Variants in ZNF225 observed in about 807,000 individuals in gnomAD.
The protein encoded by ZNF225 is zinc finger protein 225.
In ZNF225, 6 loss-of-function variants were observed where a neutral mutation model predicts 12.0. The observed-to-expected ratio is 0.50, with a 90% confidence interval of 0.27 to 0.98. The LOEUF (loss-of-function observed/expected upper bound fraction) is 0.98. Ranked by LOEUF, ZNF225 falls within the 50% of genes least tolerant of loss-of-function variation. The probability of loss-of-function intolerance (pLI) is 0.11; values close to 1 mark genes in which losing one functional copy is unlikely to be tolerated. For missense variants in ZNF225, 763 were observed against 848.2 expected (o/e 0.90, Z 1.25); for synonymous variants, 271 against 283.2 (o/e 0.96, Z 0.43).
upstream of ZNF225, among the ~76,000 whole-genome samples, chr19:44,112,504 ATT>A (rs1043268117): frequency 1.3e-5 from 2 of 152,010 alleles, no homozygotes; most frequent in Non-Finnish European, 2.9e-5. Flanking sequence ...CCTTAAAATA[ATT>A]TTGTTTTGTG....
intron 4 of ZNF225, among the ~76,000 whole-genome samples, chr19:44,126,726 G>C: frequency 6.6e-6 from 1 of 152,138 alleles, no homozygotes; most frequent in East Asian, 1.9e-4. Flanking sequence ...GGCTGCTGTA[G>C]GGGATGTGGG....
At chr19:44,119,450 C>T (rs1031202367) in intron 4 of ZNF225, among the ~76,000 whole-genome samples, 1 of 152,160 alleles carries the variant, frequency 6.6e-6, no homozygotes, top group South Asian at 2.1e-4. Flanking sequence ...TGAGGAGAAG[C>T]CTTTATTTTG....
At position 44,132,403 on chromosome 19, in the gene ZNF225, AAAT is replaced by A; in HGVS notation, c.1790_1792del (p.Lys597_Cys598delinsSer). The A allele has an allele frequency of 6.2e-7, 1 of 1,614,244 alleles. No individual in the cohort carries two copies. The highest frequency in any genetic ancestry group is 8.5e-7 in the Non-Finnish European group (1 of 1,180,032). The stretch of plus-strand genomic sequence containing the variant: ...ACTCCATGGTGATGAAAAGCCATTC[AAAT>A]GTGAAGAGTGTGGGAAGAGATTTAC... On this transcript the variant is annotated inframe_deletion, in exon 5 of 5. Coordinates refer to ENST00000262894, the MANE Select transcript of ZNF225 (RefSeq NM_013362.4).
rs1268534375 is a variant in ZNF225, at chr19:44,115,841, A to C, written c.14A>C (p.Lys5Thr). The change falls in exon 2 of 5, where the codon AAG becomes ACG. Residue 5 changes from lysine (K) to threonine (T), a missense_variant and splice_region_variant. Lys to Thr is a moderately conservative substitution (Grantham distance 78). Coordinates refer to ENST00000262894, the MANE Select transcript of ZNF225 (RefSeq NM_013362.4). ...ATAGGAGGAAAAATGACCACGTTGA[A>C]GGTGAGTAGAGCTTGCCTCTCTTGC... is the stretch of plus-strand genomic sequence containing the variant. MTTL[K>T]EAVTFKDVAV... The C allele has an allele frequency of 1.2e-6, 2 of 1,612,878 alleles. No individual in the cohort carries two copies. Among genetic ancestry groups the C allele is most frequent in the East Asian group, 2.2e-5 (1 of 44,824 alleles).
intron 1 of ZNF225, chr19:44,114,115 C>T: frequency 1.6e-6 from 1 of 612,958 alleles, no homozygotes; most frequent in Non-Finnish European, 2.7e-6. Context: ...GGCACGGCGA[C>T]CACGGTCAGA....
At position 44,132,217 on chromosome 19, in the gene ZNF225, A is replaced by G. The variant is rs1490367548; in HGVS notation, c.1603A>G (p.Thr535Ala). The stretch of plus-strand genomic sequence containing the variant: ...ACTTTATTCTCATCGCAGAGTCCAC[A>G]CTGGAGTAAAGCCATACAAATGTGA... ...SQLYSHRRVH[T>A]GVKPYKCEEC... Residue 535 changes from threonine (T) to alanine (A), a missense_variant, in exon 5 of 5, where the codon ACT (threonine) becomes GCT (alanine). Coordinates refer to ENST00000262894, the MANE Select transcript of ZNF225 (RefSeq NM_013362.4). The G allele has an allele frequency of 1.2e-6, 2 of 1,614,082 alleles. No homozygotes were observed. Among genetic ancestry groups the G allele is most frequent in the South Asian group, 2.2e-5 (2 of 91,078 alleles).
chr19:44,121,063 A>AT (rs1015797576), intron 4 of ZNF225, among the ~76,000 whole-genome samples: 9 of 151,752 alleles, frequency 5.9e-5, no homozygotes, highest in African/African-American at 1.9e-4. Flanking sequence ...TGCCCTGCTA[A>AT]TTTTTTTTAT....
At chr19:44,113,922 T>A in intron 1 of ZNF225, 2 of 239,610 alleles carry the variant, frequency 8.3e-6, no homozygotes, top group Non-Finnish European at 8.0e-6. Context: ...TGGTCTCTTG[T>A]TAATTTCCCA....
intron 4 of ZNF225, among the ~76,000 whole-genome samples, chr19:44,126,440 G>A (rs1968148121): frequency 6.6e-6 from 1 of 152,184 alleles, no homozygotes; most frequent in South Asian, 2.1e-4. Flanking sequence ...TCCAGTGGAG[G>A]TGGTGGGGGT....
At chr19:44,124,332 C>T (rs1179450825) in intron 4 of ZNF225, among the ~76,000 whole-genome samples, 1 of 152,006 alleles carries the variant, frequency 6.6e-6, no homozygotes, top group African/African-American at 2.4e-5. Flanking sequence ...TTGAAGGTTC[C>T]TCTTGGAGTT....
chr19:44,123,016 TAG>T (rs1014796500), intron 4 of ZNF225, among the ~76,000 whole-genome samples: 1 of 152,188 alleles, frequency 6.6e-6, no homozygotes, highest in Admixed American at 6.5e-5. Context: ...TTGCTCTGGC[TAG>T]GACTTCCAGT....
At chr19:44,121,555 T>C (rs1968057546) in intron 4 of ZNF225, among the ~76,000 whole-genome samples, 1 of 152,242 alleles carries the variant, frequency 6.6e-6, no homozygotes, top group Admixed American at 6.5e-5. Context: ...CTTTTAGTTC[T>C]TTAAGGAATT....
intron 1 of ZNF225, among the ~76,000 whole-genome samples, chr19:44,115,015 A>C (rs908504717): frequency 1.3e-5 from 2 of 152,182 alleles, no homozygotes; most frequent in African/African-American, 4.8e-5. Flanking sequence ...AGTTAAATAA[A>C]ATTTTGTAAG....
At position 44,132,879 on chromosome 19, in the gene ZNF225, A is replaced by G. The variant is rs547762064; in HGVS notation, c.*144A>G. 2.7e-6 allele frequency: 2 copies of G among 748,580 alleles called. No individual in the cohort carries two copies. Among genetic ancestry groups the G allele is most frequent in the Non-Finnish European group, 4.1e-6 (2 of 487,160 alleles). 46.4% of individuals were successfully genotyped at this position (748,580 alleles called of 1,614,324 possible). A position where few individuals can be genotyped will look rare whatever the true frequency, so the allele number is the denominator to read the frequency against. On this transcript the variant is annotated 3_prime_UTR_variant, in exon 5 of 5. Transcript: ENST00000262894. Reference sequence around the variant, plus strand: ...GGGAACCCTTAAAATTCACTGTCCTAGCTATTTGAAAATAATACGTTGTTA... The same window carrying G: ...GGGAACCCTTAAAATTCACTGTCCTGGCTATTTGAAAATAATACGTTGTTA...
At chr19:44,129,347 A>C in intron 4 of ZNF225, 1 of 303,126 alleles carries the variant, frequency 3.3e-6, no homozygotes, top group Non-Finnish European at 6.0e-6. Context: ...TCTTAAAATT[A>C]TGGGTTTTTA....
At chr19:44,114,737 C>T (rs889481499) in intron 1 of ZNF225, among the ~76,000 whole-genome samples, 1 of 152,228 alleles carries the variant, frequency 6.6e-6, no homozygotes, top group Non-Finnish European at 1.5e-5. Context: ...TCTCAGACTC[C>T]TGACCTCAGG....
At chr19:44,130,783 A>G in intron 4 of ZNF225, 67 bp from the exon 5 acceptor site, 1 of 1,429,204 alleles carries the variant, frequency 7.0e-7, no homozygotes, top group Non-Finnish European at 9.5e-7. Context: ...TGTCCTAAGT[A>G]TGAAATCTTG....
Position 44,118,137 on chromosome 19 carries a change from C to G in ZNF225, c.16-51C>G, listed in dbSNP as rs185929255. 8.7e-5 allele frequency: 138 copies of G among 1,578,564 alleles called. No individual in the cohort carries two copies. In the African/African-American group the frequency reaches 1.7e-3, roughly 20 times the overall value. ...TCTGTCTGCTCAGTGCCACCCCTCT[C>G]TCAGTAGTCATTGGTCATGAGACTG... On this transcript the variant is annotated intron_variant, in intron 2 of 4. Transcript: ENST00000262894.
intron 4 of ZNF225, among the ~76,000 whole-genome samples, chr19:44,124,307 T>A (rs529807219): frequency 6.6e-6 from 1 of 152,350 alleles, no homozygotes; most frequent in African/African-American, 2.4e-5. Context: ...TTAATTTCCA[T>A]GTATTTGCAT....
Sources: gnomAD v4.1 joint callset for allele counts (sites outside exome capture counted in the v4.1 genomes callset) on GRCh38, gnomAD v4.1.1 for gene constraint, MANE v1.5 for transcripts, NCBI Gene and HGNC (gene_info 2026-07-23, HGNC 2026-07-21) for gene names.